Variants in PRKG1 observed in about 807,000 individuals in gnomAD.
PRKG1 encodes the protein protein kinase cGMP-dependent 1.
In PRKG1, 35 loss-of-function variants were observed where a neutral mutation model predicts 88.1. The ratio of observed to expected loss-of-function variants is 0.40; its 90% CI spans 0.30 to 0.53. The LOEUF (loss-of-function observed/expected upper bound fraction) is 0.53, where lower values mean the gene tolerates loss of function less well. PRKG1 is among the 20% of genes least tolerant of loss of function. The pLI is 0.59. For synonymous variants in PRKG1, 303 were observed against 292.5 expected, an observed-to-expected ratio of 1.04 and a Z score of -0.37; for missense variants, 540 against 839.8, an observed-to-expected ratio of 0.64 and a Z score of 4.41.
intron 2 of PRKG1, among the ~76,000 whole-genome samples, chr10:51,229,771 A>G (rs1399507343): frequency 6.6e-6 from 1 of 151,940 alleles, no homozygotes; most frequent in Non-Finnish European, 1.5e-5. Flanking sequence ...TCTACAAAAA[A>G]TAAAAATTAG....
upstream of PRKG1, among the ~76,000 whole-genome samples, chr10:51,073,231 G>C (rs1037509567): frequency 6.6e-6 from 1 of 152,164 alleles, no homozygotes. Context: ...TGAGTGGGCA[G>C]GGATGAGGGT....
At chr10:51,140,371 A>G (rs1296263973) in intron 1 of PRKG1, among the ~76,000 whole-genome samples, 1 of 152,184 alleles carries the variant, frequency 6.6e-6, no homozygotes, top group Non-Finnish European at 1.5e-5. Context: ...AATGTCATAT[A>G]TGAGGTACTC....
At chr10:51,840,777 C>T (rs184235926) in intron 4 of PRKG1, among the ~76,000 whole-genome samples, 2 of 152,064 alleles carry the variant, frequency 1.3e-5, no homozygotes, top group Non-Finnish European at 1.5e-5. Flanking sequence ...GACTCCAGCC[C>T]TCAGGTGACC....
intron 2 of PRKG1, among the ~76,000 whole-genome samples, chr10:51,160,735 T>A (rs1006557639): frequency 2.0e-5 from 3 of 152,198 alleles, no homozygotes. Context: ...GTCCTCTCCC[T>A]TTTTTACTGT....
At chr10:52,289,020 A>T in intron 16 of PRKG1, 27 bp downstream of exon 16, 11 of 1,573,546 alleles carry the variant, frequency 7.0e-6, no homozygotes, top group Non-Finnish European at 8.7e-6. Context: ...CAGAGTTCTG[A>T]ACACGTGACA....
At chr10:51,406,470 T>A (rs1235541113) in intron 2 of PRKG1, among the ~76,000 whole-genome samples, 1 of 152,180 alleles carries the variant, frequency 6.6e-6, no homozygotes. Flanking sequence ...TAGTTTTCAC[T>A]GGGGGCCTGC....
chr10:51,133,201 C>T (rs1324466328), intron 1 of PRKG1, among the ~76,000 whole-genome samples: 1 of 152,122 alleles, frequency 6.6e-6, no homozygotes, highest in African/African-American at 2.4e-5. Flanking sequence ...GATGGCAAAA[C>T]CAACATCCTA....
rs1564599566 is a variant in PRKG1 at position 51,670,752 on chromosome 10, ATAAATAAAT to A, written c.593-133832_593-133824del. Among the ~76,000 whole-genome samples, 258 of 79,934 alleles carry A rather than the reference ATAAATAAAT, an allele frequency of 3.2e-3. 8 individuals carry two copies. The highest frequency in any genetic ancestry group is 9.0e-3 in the African/African-American group (194 of 21,486). The allele number at this position is 79,934 out of a possible 152,430, so 52.4% of individuals were successfully genotyped here. On this transcript the variant is annotated intron_variant, in intron 3 of 17. Coordinates refer to ENST00000373980, the MANE Select transcript of PRKG1 (RefSeq NM_006258.4). ...CTCCGTCTCAAAAAAAAATAAATAA[ATAAATAAAT>A]AAATAAATAAATAAATAAATAAATA...
At chr10:51,696,478 T>C (rs527339517) in intron 3 of PRKG1, 4 of 152,030 alleles carry the variant, frequency 2.6e-5, no homozygotes, top group East Asian at 1.9e-4. Context: ...TAAAGACTAT[T>C]GAGAAATAGG....
chr10:52,145,109 TTTTG>T (rs1837695526), intron 8 of PRKG1, among the ~76,000 whole-genome samples: 1 of 152,160 alleles, frequency 6.6e-6, no homozygotes, highest in Non-Finnish European at 1.5e-5. Flanking sequence ...GTGAGTTTTG[TTTTG>T]TTTTACTTTT....
At position 51,898,637 on chromosome 10, in the gene PRKG1, C is replaced by T. The variant is rs148994892; in HGVS notation, c.699-8870C>T. On this transcript the variant is annotated intron_variant, in intron 4 of 17. Coordinates refer to ENST00000373980, the MANE Select transcript of PRKG1 (RefSeq NM_006258.4). ...ATCACTTGAGGCCAGGTGTTTGAAA[C>T]CAGCCTGGGCAACATGGTGAGACCC... Among the ~76,000 whole-genome samples the T allele has an allele frequency of 1.0e-3, 159 of 152,138 alleles. 1 individual carries two copies. Among genetic ancestry groups the T allele is most frequent in the African/African-American group, 3.3e-3 (136 of 41,512 alleles).
intron 3 of PRKG1, among the ~76,000 whole-genome samples, chr10:51,634,514 C>G (rs937480234): frequency 2.0e-5 from 3 of 152,102 alleles, no homozygotes; most frequent in African/African-American, 7.2e-5. Context: ...TATTCCAAAT[C>G]TTGGTTTGAG....
rs559100581 is a variant in PRKG1, at chr10:51,288,871, T to C, written c.478+135541T>C. On this transcript the variant is annotated intron_variant, in intron 2 of 17. Transcript: ENST00000373980. ...TAGTTTTATTTAGAAGTAGATTTTT[T>C]TACTTCAGCACTAATTTCTGGGGTG... 3.9e-5 allele frequency among the ~76,000 whole-genome samples: 6 copies of C among 152,338 alleles called. No homozygotes were observed. The East Asian group carries it at 1.2e-3, about 29-fold the overall frequency.
intron 6 of PRKG1, among the ~76,000 whole-genome samples, chr10:52,061,567 C>T (rs12765852): frequency 0.2 from 30,302 of 151,926 alleles, 3,468 homozygotes; most frequent in South Asian, 0.27. Flanking sequence ...TATCACTTGC[C>T]TTCTGTTAAG....
At chr10:51,509,948 A>G (rs963038073) in intron 3 of PRKG1, among the ~76,000 whole-genome samples, 1 of 152,186 alleles carries the variant, frequency 6.6e-6, no homozygotes, top group African/African-American at 2.4e-5. Context: ...GGAGACCTAG[A>G]ACCTGCTTTT....
chr10:51,498,604 A>G (rs1036622285), intron 3 of PRKG1, among the ~76,000 whole-genome samples: 4 of 152,230 alleles, frequency 2.6e-5, no homozygotes, highest in Non-Finnish European at 4.4e-5. Flanking sequence ...TCTGTCAATT[A>G]TGATGAGTGA....
At chr10:51,171,257 C>A (rs1174791268) in intron 2 of PRKG1, among the ~76,000 whole-genome samples, 1 of 152,056 alleles carries the variant, frequency 6.6e-6, no homozygotes, top group Non-Finnish European at 1.5e-5. Flanking sequence ...CAGGGAATAC[C>A]TAGGGTACAG....
chr10:51,207,437 ACT>A (rs1474966733), intron 2 of PRKG1, among the ~76,000 whole-genome samples: 1 of 152,148 alleles, frequency 6.6e-6, no homozygotes, highest in Admixed American at 6.6e-5. Context: ...ACTGGCTCTG[ACT>A]GTCTCTCAAG....
At chr10:51,075,911 T>C (rs914149318) in intron 1 of PRKG1, among the ~76,000 whole-genome samples, 2 of 152,172 alleles carry the variant, frequency 1.3e-5, no homozygotes, top group African/African-American at 2.4e-5. Context: ...GAACGGCATT[T>C]TAAATTAATA....
Sources: gnomAD v4.1 joint callset for allele counts (sites outside exome capture counted in the v4.1 genomes callset) on GRCh38, gnomAD v4.1.1 for gene constraint, MANE v1.5 for transcripts, NCBI Gene and HGNC (gene_info 2026-07-23, HGNC 2026-07-21) for gene names.